NDUFA10: variants seen among roughly 807,000 people sequenced by gnomAD.
The protein encoded by NDUFA10 is NADH dehydrogenase [ubiquinone] 1 alpha subcomplex subunit 10, mitochondrial.
NDUFA10 carries 40 observed loss-of-function variants against 47.8 expected under a neutral mutation model. The observed-to-expected ratio is 0.84, with a 90% CI of 0.65 to 1.09. The LOEUF (loss-of-function observed/expected upper bound fraction) is 1.09. Ranked by LOEUF, NDUFA10 falls within the 50% of genes least tolerant of loss-of-function variation. The pLI is 0.00. For missense variants in NDUFA10, 413 were observed against 451.1 expected (o/e 0.92, Z 0.76); for synonymous variants, 183 against 172.2 (o/e 1.06, Z -0.49).
intron 9 of NDUFA10, among the ~76,000 whole-genome samples, chr2:239,971,933 G>C (rs1181623550): frequency 6.6e-6 from 1 of 152,108 alleles, no homozygotes; most frequent in African/African-American, 2.4e-5. Context: ...TGTTGCTCAA[G>C]GTCTCAGCTA....
Position 239,960,540 on chromosome 2 carries a change from T to G in NDUFA10, c.*578A>C. ...ATCTGTGGTAATTTTCTCCTTTTGC[T>G]ATTTCTTCTTCACGTTCTTATTTTT... On this transcript the variant is annotated 3_prime_UTR_variant, in exon 10 of 10. Transcript: ENST00000252711. 2.0e-6 allele frequency: 2 copies of G among 998,830 alleles called. No homozygotes were observed. Among genetic ancestry groups the G allele is most frequent in the South Asian group, 8.7e-5 (2 of 23,072 alleles). The allele number at this position is 998,830 out of a possible 1,614,324, so 61.9% of individuals were successfully genotyped here.
chr2:239,940,580 C>A (rs568783965), intron 4 of NDUFA10, among the ~76,000 whole-genome samples: 1 of 152,116 alleles, frequency 6.6e-6, no homozygotes, highest in Non-Finnish European at 1.5e-5. Flanking sequence ...GTGTTAAAAG[C>A]TAATTTTCAG....
At chr2:240,012,111 C>T (rs959081065) in intron 5 of NDUFA10, 1 of 254,314 alleles carries the variant, frequency 3.9e-6, no homozygotes. Context: ...CTGACTCTCC[C>T]TGCATCTCTC....
intron 4 of NDUFA10, among the ~76,000 whole-genome samples, chr2:239,921,727 G>C (rs945763155): frequency 5.3e-5 from 8 of 152,168 alleles, no homozygotes; most frequent in African/African-American, 1.9e-4. Flanking sequence ...CCGGGATGAG[G>C]CCGGGTCAGA....
intron 9 of NDUFA10, among the ~76,000 whole-genome samples, chr2:239,971,778 G>C (rs981465672): frequency 1.3e-5 from 2 of 152,182 alleles, no homozygotes; most frequent in Admixed American, 6.5e-5. Context: ...GAATTAAATT[G>C]TAACTTTTAG....
chr2:240,024,587 G>A (rs868731562), intron 1 of NDUFA10, among the ~76,000 whole-genome samples: 2 of 152,056 alleles, frequency 1.3e-5, no homozygotes, highest in Non-Finnish European at 2.9e-5. Context: ...ATAGCACAAA[G>A]AAAAAATCCA....
rs1239621002 is a variant in NDUFA10 at position 239,959,489 on chromosome 2, C to G, written c.*1629G>C. 2.0e-6 allele frequency: 2 copies of G among 985,368 alleles called. No individual in the cohort carries two copies. Among genetic ancestry groups the G allele is most frequent in the Non-Finnish European group, 2.4e-6 (2 of 829,954 alleles). 61.0% of individuals were successfully genotyped at this position (985,368 alleles called of 1,614,324 possible). A position where few individuals can be genotyped will look rare whatever the true frequency, so the allele number is the denominator to read the frequency against. Reference sequence around the variant, plus strand: ...AGCAAAAGACACTCTGTGACTGGCCCAATGCCCAGCTGTGCTTTCATTTCA... The same window carrying G: ...AGCAAAAGACACTCTGTGACTGGCCGAATGCCCAGCTGTGCTTTCATTTCA... On this transcript the variant is annotated 3_prime_UTR_variant, in exon 10 of 10. Transcript: ENST00000252711.
At position 239,959,960 on chromosome 2, in the gene NDUFA10, C is replaced by T. The variant is rs1694782570; in HGVS notation, c.*1158G>A. Reference sequence around the variant, plus strand: ...CTTCCGCGGGGAGCAGAGCATCGTCCTCTGCACCAGCACTGGAACTACTGC... The same window carrying T: ...CTTCCGCGGGGAGCAGAGCATCGTCTTCTGCACCAGCACTGGAACTACTGC... On this transcript the variant is annotated 3_prime_UTR_variant, in exon 10 of 10. Transcript: ENST00000252711. 1.0e-6 allele frequency: 1 copy of T among 985,420 alleles called. No individual in the cohort carries two copies. Among genetic ancestry groups the T allele is most frequent in the African/African-American group, 1.7e-5 (1 of 57,258 alleles). The allele number at this position is 985,420 out of a possible 1,614,324, so 61.0% of individuals were successfully genotyped here.
At chr2:239,975,719 GC>G (rs1423469696) in intron 9 of NDUFA10, among the ~76,000 whole-genome samples, 5 of 152,084 alleles carry the variant, frequency 3.3e-5, no homozygotes, top group Non-Finnish European at 7.4e-5. Flanking sequence ...GTCCTATTCA[GC>G]CCATGACACT....
At position 239,915,295 on chromosome 2, in the gene NDUFA10, CAG is replaced by C. The variant is rs559886509; in HGVS notation, c.295-19983_295-19982del. Among the ~76,000 whole-genome samples, 1,121 of 144,870 alleles carry C rather than the reference CAG, an allele frequency of 7.7e-3. 22 individuals carry two copies. Among genetic ancestry groups the C allele is most frequent in the African/African-American group, 0.025 (968 of 38,758 alleles). On this transcript the variant is annotated intron_variant, in intron 4 of 5. Transcript: ENST00000419408. ...ACACACACAAATATACAGACACAGA[CAG>C]AGAGACAGAGATAAACATACACACA...
At chr2:239,996,054 T>C (rs1334172721) in intron 8 of NDUFA10, among the ~76,000 whole-genome samples, 2 of 152,146 alleles carry the variant, frequency 1.3e-5, no homozygotes, top group Non-Finnish European at 2.9e-5. Flanking sequence ...AGGAGACCGA[T>C]GACCCCAACT....
At chr2:239,896,914 T>C (rs1040435378) in intron 4 of NDUFA10, among the ~76,000 whole-genome samples, 2 of 152,252 alleles carry the variant, frequency 1.3e-5, no homozygotes, top group Non-Finnish European at 2.9e-5. Context: ...TATTCTACTT[T>C]TTAAAAAGTT....
Position 240,025,213 on chromosome 2 carries a change from C to T in NDUFA10, c.75+14G>A. 6.7e-7 allele frequency: 1 copy of T among 1,486,562 alleles called. No individual in the cohort carries two copies. The highest frequency in any genetic ancestry group is 8.9e-7 in the Non-Finnish European group (1 of 1,124,758). The allele number at this position is 1,486,562 out of a possible 1,614,324, so 92.1% of individuals were successfully genotyped here. A position where few individuals can be genotyped will look rare whatever the true frequency, so the allele number is the denominator to read the frequency against. ...CTGCCACCCCGCCACCCTGCCACCCCGCCGCCCGCTCACCACGCGCTGGGC... is the reference window on the plus strand; with the variant it reads ...CTGCCACCCCGCCACCCTGCCACCCTGCCGCCCGCTCACCACGCGCTGGGC... On this transcript the variant is annotated intron_variant, in intron 1 of 9. Coordinates refer to ENST00000252711, the MANE Select transcript of NDUFA10 (RefSeq NM_004544.4).
intron 9 of NDUFA10, among the ~76,000 whole-genome samples, chr2:239,981,333 T>C (rs886636580): frequency 1.3e-5 from 2 of 151,762 alleles, no homozygotes; most frequent in Non-Finnish European, 2.9e-5. Flanking sequence ...CCACCATGGG[T>C]GAGAAAAAGA....
intron 9 of NDUFA10, among the ~76,000 whole-genome samples, chr2:239,975,936 T>C (rs1695499661): frequency 6.6e-6 from 1 of 152,188 alleles, no homozygotes; most frequent in South Asian, 2.1e-4. Flanking sequence ...AAATGTCATC[T>C]TAACCATCAC....
At chr2:239,983,630 C>A in intron 9 of NDUFA10, 1 of 1,586,708 alleles carries the variant, frequency 6.3e-7, no homozygotes, top group Non-Finnish European at 8.6e-7. Flanking sequence ...ACGGTCAGGG[C>A]CACGGTGCCA....
At chr2:239,983,439 T>G in intron 9 of NDUFA10, 2 of 1,508,516 alleles carry the variant, frequency 1.3e-6, no homozygotes, top group South Asian at 2.5e-5. Flanking sequence ...TACTATTTAA[T>G]TTCAACTGAT....
intron 1 of NDUFA10, among the ~76,000 whole-genome samples, chr2:240,023,452 T>C (rs1470504223): frequency 6.6e-6 from 1 of 152,180 alleles, no homozygotes; most frequent in Non-Finnish European, 1.5e-5. Context: ...ATGAGTACCA[T>C]CCTAAACTGC....
rs1323062877 is a variant in NDUFA10, at chr2:239,959,299, G to A, written c.*1819C>T. The stretch of plus-strand genomic sequence containing the variant: ...CCTCACAAGGGCAATCCTGACCACA[G>A]GGCAGACCTGCCCTCTCACTGCTGA... On this transcript the variant is annotated 3_prime_UTR_variant, in exon 10 of 10. Transcript: ENST00000252711. The A allele has an allele frequency of 2.0e-6, 2 of 985,466 alleles. No homozygotes were observed. Among genetic ancestry groups the A allele is most frequent in the Non-Finnish European group, 2.4e-6 (2 of 829,950 alleles). 61.0% of individuals were successfully genotyped at this position (985,466 alleles called of 1,614,324 possible). A position where few individuals can be genotyped will look rare whatever the true frequency, so the allele number is the denominator to read the frequency against.
Sources: allele counts gnomAD v4.1 joint callset (sites outside exome capture counted in the v4.1 genomes callset), GRCh38; gene constraint gnomAD v4.1.1; transcripts MANE v1.5; gene names NCBI Gene and HGNC (gene_info 2026-07-23, HGNC 2026-07-21).